Variants in CFAP92 observed in about 807,000 individuals in gnomAD.
CFAP92 encodes the protein cilia and flagella associated protein 92 (putative).
A neutral mutation model predicts 106.3 loss-of-function variants in CFAP92; 86 were observed. The observed-to-expected ratio is 0.81, with a 90% confidence interval of 0.68 to 0.97. CFAP92 has a LOEUF of 0.97. Among genes scored for constraint, CFAP92 ranks in the 50% least tolerant of loss-of-function variants. The pLI is 0.00. For synonymous variants in CFAP92, 477 were observed against 506.4 expected (o/e 0.94, Z 0.78); for missense variants, 1,204 against 1,283.8 (o/e 0.94, Z 0.95).
At chr3:128,977,131 C>T in intron 5 of CFAP92, 65 bp from the exon 6 acceptor site, 1 of 1,283,066 alleles carries the variant, frequency 7.8e-7, no homozygotes, top group Non-Finnish European at 1.1e-6. Flanking sequence ...AAATGAGGGC[C>T]CCTGACCCAT....
At chr3:128,950,629 A>C (rs1940687429) in intron 9 of CFAP92, among the ~76,000 whole-genome samples, 2 of 152,224 alleles carry the variant, frequency 1.3e-5, no homozygotes, top group Non-Finnish European at 2.9e-5. Flanking sequence ...GAGACAAAGC[A>C]AACAACAAAG....
upstream of CFAP92, among the ~76,000 whole-genome samples, chr3:129,005,962 T>C (rs1348726398): frequency 6.6e-6 from 1 of 152,266 alleles, no homozygotes; most frequent in Non-Finnish European, 1.5e-5. Context: ...TAGTCCTCTA[T>C]AGCAGAATGC....
the CFAP92 span, among the ~76,000 whole-genome samples, chr3:129,020,116 G>A: frequency 2.6e-5 from 4 of 152,096 alleles, no homozygotes; most frequent in African/African-American, 4.8e-5. Flanking sequence ...CATATTGGAC[G>A]ATGCAGGCCA....
intron 9 of CFAP92, among the ~76,000 whole-genome samples, chr3:128,947,488 T>C (rs1193415104): frequency 6.6e-6 from 1 of 152,208 alleles, no homozygotes; most frequent in Non-Finnish European, 1.5e-5. Flanking sequence ...TCACCCATTT[T>C]TACGACTTAC....
chr3:128,979,307 A>G (rs1356989065), intron 4 of CFAP92, among the ~76,000 whole-genome samples: 2 of 152,198 alleles, frequency 1.3e-5, no homozygotes, highest in African/African-American at 2.4e-5. Context: ...CAGGTGTGGG[A>G]GAGGATGTGG....
intron 2 of CFAP92, among the ~76,000 whole-genome samples, chr3:128,992,576 A>G (rs1944280876): frequency 6.7e-6 from 1 of 149,958 alleles, no homozygotes; most frequent in Non-Finnish European, 1.5e-5. Context: ...AAAAAGAATT[A>G]TTATTTTTTT....
chr3:128,963,111 G>T (rs545744724), intron 9 of CFAP92, among the ~76,000 whole-genome samples: 35 of 152,106 alleles, frequency 2.3e-4, no homozygotes, highest in African/African-American at 8.4e-4. Context: ...CCCAAATTTC[G>T]TCCTCATCTG....
intron 15 of CFAP92, chr3:128,912,753 C>T: frequency 1.3e-6 from 1 of 799,222 alleles, no homozygotes; most frequent in Non-Finnish European, 2.2e-6. Flanking sequence ...GTCGCCTGGC[C>T]TGGGAGAGCC....
At chr3:128,996,110 T>A, upstream of CFAP92, among the ~76,000 whole-genome samples, 1 of 152,150 alleles carries the variant, frequency 6.6e-6, no homozygotes, top group Admixed American at 6.5e-5. Flanking sequence ...GCTAGCATGT[T>A]GTGAGGAAGC....
At chr3:128,920,600 G>C (rs770473953) in intron 12 of CFAP92, among the ~76,000 whole-genome samples, 1 of 152,150 alleles carries the variant, frequency 6.6e-6, no homozygotes, top group Non-Finnish European at 1.5e-5. Flanking sequence ...TGGGAAAAAG[G>C]CTGAGGCAGG....
intron 1 of CFAP92, 118 bp from the exon 2 acceptor site, chr3:128,993,454 T>C: frequency 1.9e-6 from 2 of 1,047,756 alleles, no homozygotes; most frequent in Middle Eastern, 3.1e-4. Flanking sequence ...CGCCTGCTCC[T>C]AGATGAACGC....
At position 128,912,601 on chromosome 3, in the gene CFAP92, A is replaced by C. The variant is rs762217879; in HGVS notation, c.3281-2268T>G. On this transcript the variant is annotated intron_variant, in intron 15 of 15. Coordinates refer to ENST00000645291, the MANE Select transcript of CFAP92 (RefSeq NM_001394090.1). ...TCTGTGCCCACCCTCTGGACAGGAC[A>C]TGCTGAGGCAGGGGACAGTGTCCCC... is the stretch of plus-strand genomic sequence containing the variant. 6.2e-7 allele frequency: 1 copy of C among 1,613,984 alleles called. No homozygotes were observed.
In CFAP92 at chr3:128,945,935, T is replaced by G. The variant is rs1940173919; in HGVS notation, c.1394A>C (p.Lys465Thr). 3 of 1,449,182 alleles carry G rather than the reference T, an allele frequency of 2.1e-6. No homozygotes were observed. The highest frequency in any genetic ancestry group is 5.0e-5 in the East Asian group (2 of 40,342). 89.8% of individuals were successfully genotyped at this position (1,449,182 alleles called of 1,614,324 possible). A position where few individuals can be genotyped will look rare whatever the true frequency, so the allele number is the denominator to read the frequency against. ...MPVYCKYQFH[K>T]TPVHKTKGEP... Reference sequence around the variant, plus strand: ...CCCCTTGGTCTTGTGAACTGGAGTCTTATGGAACTGGTACTTGCAGTACAC... The same window carrying G: ...CCCCTTGGTCTTGTGAACTGGAGTCGTATGGAACTGGTACTTGCAGTACAC... The change falls in exon 10 of 16, where the codon AAG becomes ACG. Residue 465 changes from lysine (K) to threonine (T), a missense_variant. Transcript: ENST00000645291.
At chr3:128,923,347 AC>A (rs1937457306) in intron 12 of CFAP92, among the ~76,000 whole-genome samples, 1 of 152,142 alleles carries the variant, frequency 6.6e-6, no homozygotes, top group South Asian at 2.1e-4. Flanking sequence ...GATCAAGAAA[AC>A]CACACAGGAA....
At chr3:128,971,677 G>A (rs1446563888) in intron 7 of CFAP92, among the ~76,000 whole-genome samples, 2 of 152,178 alleles carry the variant, frequency 1.3e-5, no homozygotes, top group Admixed American at 6.5e-5. Flanking sequence ...TCTGCTAACT[G>A]AGAACACAGA....
At chr3:129,017,448 C>T in the CFAP92 span, among the ~76,000 whole-genome samples, 7 of 152,252 alleles carry the variant, frequency 4.6e-5, no homozygotes, top group Admixed American at 3.3e-4. Context: ...TGCACAAGCT[C>T]GCACAAGGCC....
intron 7 of CFAP92, among the ~76,000 whole-genome samples, chr3:128,975,426 G>GGGATGGAT (rs142490124): frequency 2.5e-4 from 38 of 149,060 alleles, no homozygotes; most frequent in East Asian, 8.2e-4. Flanking sequence ...TGGATGGATA[G>GGGATGGAT]GGATGGATGG....
At chr3:128,964,781 A>G (rs1942240289) in intron 9 of CFAP92, among the ~76,000 whole-genome samples, 1 of 151,196 alleles carries the variant, frequency 6.6e-6, no homozygotes, top group Admixed American at 6.6e-5. Flanking sequence ...TTACCACAAG[A>G]CCTCCCTTCA....
In CFAP92 at chr3:128,932,765, TCTC is replaced by T. The variant is rs1248163941; in HGVS notation, c.2683_2685del (p.Glu895del). ...ATGGCACTCCGCCACTGCAGGTACT[TCTC>T]CTGGTGGGCGTGGATCTCTAAGGTG... is the stretch of plus-strand genomic sequence containing the variant. On this transcript the variant is annotated inframe_deletion, in exon 12 of 16. Coordinates refer to ENST00000645291, the MANE Select transcript of CFAP92 (RefSeq NM_001394090.1). 3.9e-6 allele frequency: 6 copies of T among 1,535,886 alleles called. No individual in the cohort carries two copies. Among genetic ancestry groups the T allele is most frequent in the Non-Finnish European group, 5.2e-6 (6 of 1,146,916 alleles).
Sources: allele counts gnomAD v4.1 joint callset (sites outside exome capture counted in the v4.1 genomes callset), GRCh38; gene constraint gnomAD v4.1.1; transcripts MANE v1.5; gene names NCBI Gene and HGNC (gene_info 2026-07-23, HGNC 2026-07-21).